Variants in GDPD5 observed in about 807,000 individuals in gnomAD.
The protein encoded by GDPD5 is glycerophosphodiester phosphodiesterase domain containing 5.
GDPD5 carries 48 observed loss-of-function variants against 75.1 expected under a neutral mutation model. That is an observed-to-expected ratio of 0.64 (90% confidence interval 0.51 to 0.81). The LOEUF is 0.81. Among genes scored for constraint, GDPD5 ranks in the 40% least tolerant of loss-of-function variants. The probability of loss-of-function intolerance (pLI) is 0.00; values close to 1 mark genes in which losing one functional copy is unlikely to be tolerated. For synonymous variants in GDPD5, 336 were observed against 339.0 expected, an observed-to-expected ratio of 0.99 and a Z score of 0.10; for missense variants, 706 against 822.6, an observed-to-expected ratio of 0.86 and a Z score of 1.73.
intron 1 of GDPD5, among the ~76,000 whole-genome samples, chr11:75,496,501 C>A (rs1950211524): frequency 2.0e-5 from 3 of 152,212 alleles, no homozygotes; most frequent in Non-Finnish European, 4.4e-5. Flanking sequence ...CTGCCCAGAT[C>A]CCCTCTTGGG....
intron 1 of GDPD5, among the ~76,000 whole-genome samples, chr11:75,495,883 T>G (rs902548813): frequency 2.2e-4 from 33 of 152,362 alleles, no homozygotes; most frequent in Middle Eastern, 3.4e-3. Flanking sequence ...TGTGAGCAAC[T>G]GCTTGTCTGT....
intron 6 of GDPD5, chr11:75,451,032 C>T (rs1043684714): frequency 6.6e-6 from 1 of 152,396 alleles, no homozygotes; most frequent in Non-Finnish European, 1.5e-5. Context: ...CCCCTTTCTC[C>T]CGAGGCAACC....
At chr11:75,506,931 GT>G in intron 1 of GDPD5, 1 of 152,552 alleles carries the variant, frequency 6.6e-6, no homozygotes, top group Middle Eastern at 3.2e-3. Context: ...CCCCTTCTCT[GT>G]CCAACCCTTA....
chr11:75,455,325 C>T (rs1330681413), intron 6 of GDPD5: 1 of 455,930 alleles, frequency 2.2e-6, no homozygotes, highest in Non-Finnish European at 4.4e-6. Flanking sequence ...AACTCCCTCA[C>T]AGAGGGGATA....
intron 14 of GDPD5, among the ~76,000 whole-genome samples, chr11:75,440,437 C>G (rs1948758126): frequency 6.6e-6 from 1 of 152,202 alleles, no homozygotes; most frequent in African/African-American, 2.4e-5. Context: ...CATAAGGATA[C>G]CCTCCACCTG....
intron 1 of GDPD5, among the ~76,000 whole-genome samples, chr11:75,503,204 G>A (rs1350142704): frequency 6.6e-6 from 1 of 152,158 alleles, no homozygotes; most frequent in Non-Finnish European, 1.5e-5. Context: ...ATTTTTAATA[G>A]AGATGGGGGT....
chr11:75,441,384 C>T (rs1948797177), intron 13 of GDPD5, 74 bp from the exon 14 acceptor site: 4 of 1,574,884 alleles, frequency 2.5e-6, no homozygotes, highest in Middle Eastern at 3.3e-4. Context: ...GCTGGTAAAG[C>T]ACGTCCTGTT....
intron 3 of GDPD5, among the ~76,000 whole-genome samples, chr11:75,465,026 A>C (rs148522596): frequency 6.6e-6 from 1 of 152,196 alleles, no homozygotes; most frequent in African/African-American, 2.4e-5. Flanking sequence ...TTATTTGCTC[A>C]TAACAGCCTT....
intron 3 of GDPD5, among the ~76,000 whole-genome samples, chr11:75,476,647 C>T (rs560823039): frequency 6.6e-6 from 1 of 152,166 alleles, no homozygotes; most frequent in Admixed American, 6.5e-5. Context: ...CCACTTGGCT[C>T]CTCTGTGGCC....
intron 6 of GDPD5, among the ~76,000 whole-genome samples, chr11:75,455,013 G>C (rs2135254585): frequency 6.6e-6 from 1 of 152,284 alleles, no homozygotes; most frequent in Middle Eastern, 3.4e-3. Context: ...TCGAGCTCTG[G>C]GTCAGCTCCA....
chr11:75,498,199 T>A (rs554613272), intron 1 of GDPD5, among the ~76,000 whole-genome samples: 1 of 152,282 alleles, frequency 6.6e-6, no homozygotes, highest in South Asian at 2.1e-4. Context: ...GTGGATCCCA[T>A]GAGGGCTAAC....
chr11:75,436,273 T>C (rs1025251019), intron 16 of GDPD5, among the ~76,000 whole-genome samples: 1 of 152,218 alleles, frequency 6.6e-6, no homozygotes, highest in Non-Finnish European at 1.5e-5. Flanking sequence ...CACTTCATTC[T>C]TGGTGCCCAG....
At chr11:75,436,068 C>T (rs1554994533) in intron 16 of GDPD5, among the ~76,000 whole-genome samples, 2 of 152,196 alleles carry the variant, frequency 1.3e-5, no homozygotes, top group Non-Finnish European at 2.9e-5. Flanking sequence ...GAGTTAGGGC[C>T]TCCTCATGGC....
At chr11:75,444,069 T>C (rs1383553158) in intron 10 of GDPD5, among the ~76,000 whole-genome samples, 1 of 152,220 alleles carries the variant, frequency 6.6e-6, no homozygotes, top group Non-Finnish European at 1.5e-5. Context: ...AGTGTATATG[T>C]CACTTTTTTG....
intron 1 of GDPD5, among the ~76,000 whole-genome samples, chr11:75,494,781 G>A (rs951316964): frequency 2.6e-4 from 39 of 151,772 alleles, no homozygotes; most frequent in African/African-American, 9.4e-4. Context: ...GTGAAATCCC[G>A]TCTCTACTAA....
intron 2 of GDPD5, among the ~76,000 whole-genome samples, chr11:75,482,248 G>C (rs1221609068): frequency 2.0e-5 from 3 of 152,176 alleles, no homozygotes; most frequent in African/African-American, 7.2e-5. Context: ...CTGGCTCTCA[G>C]AGTCTCCTCT....
At chr11:75,441,893 G>T in intron 12 of GDPD5, 90 bp from the exon 13 acceptor site, 1 of 1,304,608 alleles carries the variant, frequency 7.7e-7, no homozygotes, top group South Asian at 1.4e-5. Flanking sequence ...GGGGTTAAGA[G>T]ACAGGACCTG....
At chr11:75,510,528 C>T (rs1565221062) in intron 1 of GDPD5, among the ~76,000 whole-genome samples, 1 of 152,234 alleles carries the variant, frequency 6.6e-6, no homozygotes, top group Admixed American at 6.5e-5. Flanking sequence ...CCTTTTCCTC[C>T]CTCTGCTCCC....
intron 1 of GDPD5, among the ~76,000 whole-genome samples, chr11:75,501,742 G>A (rs1236418678): frequency 6.6e-6 from 1 of 152,128 alleles, no homozygotes; most frequent in Non-Finnish European, 1.5e-5. Flanking sequence ...GACAGGGCTG[G>A]GGGCAGAGGA....
Sources: allele counts gnomAD v4.1 joint callset (sites outside exome capture counted in the v4.1 genomes callset), GRCh38; gene constraint gnomAD v4.1.1; transcripts MANE v1.5; gene names NCBI Gene and HGNC (gene_info 2026-07-23, HGNC 2026-07-21).